PTPRM: variants seen among roughly 807,000 people sequenced by gnomAD.
The protein encoded by PTPRM is receptor-type tyrosine-protein phosphatase mu.
Under a neutral mutation model 186.7 loss-of-function variants are expected in PTPRM, and 47 were observed. The observed-to-expected ratio is 0.25, with a 90% CI of 0.20 to 0.32. The LOEUF is 0.32. PTPRM is among the 10% of genes least tolerant of loss of function. The probability of loss-of-function intolerance (pLI) is 1.00; values close to 1 mark genes in which losing one functional copy is unlikely to be tolerated. For missense variants in PTPRM, 1,494 were observed against 1,865.0 expected, an observed-to-expected ratio of 0.80 and a Z score of 3.66; for synonymous variants, 668 against 674.9, an observed-to-expected ratio of 0.99 and a Z score of 0.16.
chr18:7,954,837 T>G (rs1045771514), intron 6 of PTPRM, among the ~76,000 whole-genome samples: 6 of 152,232 alleles, frequency 3.9e-5, no homozygotes, highest in African/African-American at 7.2e-5. Flanking sequence ...GTATCAGATA[T>G]GCTAATTTGC....
chr18:7,779,810 T>C (rs1165868518), intron 2 of PTPRM, among the ~76,000 whole-genome samples: 1 of 152,230 alleles, frequency 6.6e-6, no homozygotes, highest in Non-Finnish European at 1.5e-5. Context: ...CAACAAATGT[T>C]TATTAAACAC....
chr18:7,809,783 A>G (rs2044415375), intron 2 of PTPRM, among the ~76,000 whole-genome samples: 1 of 152,146 alleles, frequency 6.6e-6, no homozygotes, highest in Non-Finnish European at 1.5e-5. Context: ...TGTGATGTTT[A>G]TCTTCCCTTT....
At chr18:7,658,410 T>C (rs1376249479) in intron 1 of PTPRM, among the ~76,000 whole-genome samples, 1 of 149,088 alleles carries the variant, frequency 6.7e-6, no homozygotes, top group Non-Finnish European at 1.5e-5. Context: ...GTACAAGAGG[T>C]AGCAGAATGG....
intron 1 of PTPRM, among the ~76,000 whole-genome samples, chr18:7,683,539 A>G (rs748789088): frequency 2.0e-5 from 3 of 152,122 alleles, no homozygotes; most frequent in Non-Finnish European, 4.4e-5. Context: ...CAAGTAAAGT[A>G]TCTTATTGGA....
chr18:8,136,418 C>T (rs568598638), intron 13 of PTPRM, among the ~76,000 whole-genome samples: 5 of 152,144 alleles, frequency 3.3e-5, no homozygotes, highest in Admixed American at 6.5e-5. Context: ...CTCCACAGGG[C>T]GTCAGCCACA....
At chr18:7,787,155 T>A (rs886092223) in intron 2 of PTPRM, among the ~76,000 whole-genome samples, 1 of 152,212 alleles carries the variant, frequency 6.6e-6, no homozygotes, top group African/African-American at 2.4e-5. Flanking sequence ...TTCTCCACAC[T>A]TGATATTTCT....
chr18:8,256,062 G>A (rs2094571841), intron 19 of PTPRM, among the ~76,000 whole-genome samples: 1 of 152,220 alleles, frequency 6.6e-6, no homozygotes, highest in African/African-American at 2.4e-5. Flanking sequence ...TCCTTAAACA[G>A]TTATTTTTTT....
chr18:7,959,890 C>T (rs868721545), intron 7 of PTPRM, among the ~76,000 whole-genome samples: 49 of 152,216 alleles, frequency 3.2e-4, no homozygotes, highest in African/African-American at 1.2e-3. Flanking sequence ...CTTTGCAGTT[C>T]AGCTATAGTT....
Position 7,680,372 on chromosome 18 carries a change from C to T in PTPRM, c.74-93777C>T, listed in dbSNP as rs186966055. On this transcript the variant is annotated intron_variant, in intron 1 of 32. Transcript: ENST00000580170. ...GTGAATAGCCACTTGCGTACAGCAG[C>T]GTGCCATATTCAACTTGGCAGGTTT... Among the ~76,000 whole-genome samples the T allele has an allele frequency of 1.7e-3, 260 of 152,210 alleles. 3 individuals carry two copies. Among genetic ancestry groups the T allele is most frequent in the Non-Finnish European group, 3.0e-3 (206 of 68,008 alleles).
chr18:8,131,900 G>T (rs1210109136), intron 13 of PTPRM, among the ~76,000 whole-genome samples: 1 of 152,190 alleles, frequency 6.6e-6, no homozygotes, highest in African/African-American at 2.4e-5. Flanking sequence ...AATGGCATCT[G>T]CTTAGTATAT....
intron 5 of PTPRM, among the ~76,000 whole-genome samples, chr18:7,941,846 A>G (rs1179997916): frequency 6.6e-6 from 1 of 152,174 alleles, no homozygotes; most frequent in Non-Finnish European, 1.5e-5. Flanking sequence ...GTGACTCTGA[A>G]CACTGTGCTT....
intron 7 of PTPRM, among the ~76,000 whole-genome samples, chr18:7,960,480 T>TATATATATATATATATATATATAC (rs1300573371): frequency 2.3e-5 from 2 of 86,602 alleles, no homozygotes; most frequent in African/African-American, 4.4e-5. Context: ...TATATATATA[T>TATATATATATATATATATATATAC]ACACACACAC....
At chr18:8,152,736 TGAGATA>T (rs2093039110) in intron 14 of PTPRM, among the ~76,000 whole-genome samples, 1 of 101,864 alleles carries the variant, frequency 9.8e-6, no homozygotes, top group African/African-American at 3.8e-5. Flanking sequence ...TTTTTTTTTT[TGAGATA>T]GGGTCTCGTT....
At chr18:7,813,243 C>T (rs1568166500) in intron 2 of PTPRM, among the ~76,000 whole-genome samples, 1 of 152,268 alleles carries the variant, frequency 6.6e-6, no homozygotes, top group East Asian at 1.9e-4. Context: ...AGTAGATGTA[C>T]ATTAGTGTGT....
At chr18:7,714,279 A>G (rs560924407) in intron 1 of PTPRM, among the ~76,000 whole-genome samples, 105 of 152,336 alleles carry the variant, frequency 6.9e-4, no homozygotes, top group Non-Finnish European at 1.2e-3. Context: ...TGGGTACATA[A>G]TGAAATTAAG....
chr18:7,887,482 G>C (rs1178920303), intron 2 of PTPRM, among the ~76,000 whole-genome samples: 1 of 152,168 alleles, frequency 6.6e-6, no homozygotes, highest in Non-Finnish European at 1.5e-5. Flanking sequence ...TGGGGTACTG[G>C]TGCTGAAGTG....
chr18:7,827,732 C>A (rs544519509), intron 2 of PTPRM, among the ~76,000 whole-genome samples: 1 of 152,216 alleles, frequency 6.6e-6, no homozygotes, highest in East Asian at 1.9e-4. Context: ...CATGGTTGAA[C>A]TGGTAGTGTT....
intron 10 of PTPRM, among the ~76,000 whole-genome samples, chr18:8,087,317 G>A (rs2090484308): frequency 6.6e-6 from 1 of 151,896 alleles, no homozygotes; most frequent in South Asian, 2.1e-4. Flanking sequence ...TATTAGATAA[G>A]AATTCTGATC....
chr18:8,203,706 AGT>A (rs2093889175), intron 14 of PTPRM, among the ~76,000 whole-genome samples: 2 of 152,204 alleles, frequency 1.3e-5, no homozygotes, highest in African/African-American at 4.8e-5. Context: ...TGGCAAAATA[AGT>A]GTATATATGT....
Sources: allele counts gnomAD v4.1 joint callset (sites outside exome capture counted in the v4.1 genomes callset), GRCh38; gene constraint gnomAD v4.1.1; transcripts MANE v1.5; gene names NCBI Gene and HGNC (gene_info 2026-07-23, HGNC 2026-07-21).